CTIF: variants seen among roughly 807,000 people sequenced by gnomAD.
The protein encoded by CTIF is cap binding complex dependent translation initiation factor.
CTIF carries 21 observed loss-of-function variants against 66.0 expected under a neutral mutation model. That is an observed-to-expected ratio of 0.32 (90% CI 0.23 to 0.46). The LOEUF (loss-of-function observed/expected upper bound fraction) is 0.46, where lower values mean the gene tolerates loss of function less well. CTIF is among the 20% of genes least tolerant of loss of function. CTIF has a pLI of 1.00. For synonymous variants in CTIF, 345 were observed against 326.4 expected, an observed-to-expected ratio of 1.06 and a Z score of -0.62; for missense variants, 739 against 812.7, an observed-to-expected ratio of 0.91 and a Z score of 1.10.
chr18:48,678,200 C>G (rs562605833), intron 6 of CTIF, among the ~76,000 whole-genome samples: 7 of 152,274 alleles, frequency 4.6e-5, no homozygotes, highest in African/African-American at 1.7e-4. Flanking sequence ...AAGTGGGTAT[C>G]TCTGTTTTTC....
At chr18:48,762,293 T>C (rs1458282047) in intron 9 of CTIF, among the ~76,000 whole-genome samples, 2 of 152,236 alleles carry the variant, frequency 1.3e-5, no homozygotes, top group Non-Finnish European at 2.9e-5. Context: ...CCCCTGATCA[T>C]TGCTTCCTCC....
chr18:48,574,521 A>G (rs538808456), intron 1 of CTIF, among the ~76,000 whole-genome samples: 8 of 152,308 alleles, frequency 5.3e-5, no homozygotes, highest in African/African-American at 1.9e-4. Context: ...AGGTCAGGGC[A>G]TCTCTGTTCC....
At chr18:48,573,893 T>G (rs147488910) in intron 1 of CTIF, among the ~76,000 whole-genome samples, 2 of 152,370 alleles carry the variant, frequency 1.3e-5, no homozygotes, top group East Asian at 3.9e-4. Context: ...CGCCTCTGTA[T>G]CAGGTGCTGT....
chr18:48,764,147 G>GGAAA (rs1324330736), intron 9 of CTIF, among the ~76,000 whole-genome samples: 3 of 152,138 alleles, frequency 2.0e-5, no homozygotes, highest in African/African-American at 2.4e-5. Context: ...TACTTCAGGT[G>GGAAA]GTGCTAGGGC....
At chr18:48,775,477 CTT>C (rs1473298605) in intron 9 of CTIF, among the ~76,000 whole-genome samples, 1 of 152,316 alleles carries the variant, frequency 6.6e-6, no homozygotes, top group Non-Finnish European at 1.5e-5. Flanking sequence ...CACAGTAGGA[CTT>C]GAGGTTTGGG....
intron 5 of CTIF, 177 bp from the exon 6 acceptor site, chr18:48,670,492 C>CACA: frequency 1.8e-6 from 1 of 557,760 alleles, no homozygotes; most frequent in Non-Finnish European, 3.2e-6. Context: ...AGGACCCCCC[C>CACA]CCCACACACA....
rs183927546 is a variant in CTIF, at chr18:48,608,952, G to A, written c.-28-10586G>A. Among the ~76,000 whole-genome samples, 67 of 152,330 alleles carry A rather than the reference G, an allele frequency of 4.4e-4. 1 individual carries two copies. Among genetic ancestry groups the A allele is most frequent in the African/African-American group, 1.5e-3 (63 of 41,572 alleles). On this transcript the variant is annotated intron_variant, in intron 1 of 11. Coordinates refer to ENST00000256413, the MANE Select transcript of CTIF (RefSeq NM_014772.3). The stretch of plus-strand genomic sequence containing the variant: ...GGATGCCCTTTCTAGCCTTACCCCA[G>A]GTGCTTGTGGACACATTGCTGGGTT...
At chr18:48,751,521 A>T (rs531658860) in intron 7 of CTIF, among the ~76,000 whole-genome samples, 8 of 152,346 alleles carry the variant, frequency 5.3e-5, no homozygotes, top group African/African-American at 1.4e-4. Flanking sequence ...CACAAGGAAG[A>T]TAGAGAGAAG....
chr18:48,721,133 T>A, intron 7 of CTIF, among the ~76,000 whole-genome samples: 1 of 151,996 alleles, frequency 6.6e-6, no homozygotes, highest in Admixed American at 6.6e-5. Flanking sequence ...ATCACAATAA[T>A]CCCCTTTTCC....
chr18:48,825,192 C>G (rs926878539), intron 10 of CTIF, among the ~76,000 whole-genome samples: 2 of 152,118 alleles, frequency 1.3e-5, no homozygotes, highest in Non-Finnish European at 2.9e-5. Flanking sequence ...CCTCCTGATC[C>G]CCACCAACCT....
chr18:48,704,088 TG>T (rs2092119681), intron 6 of CTIF, among the ~76,000 whole-genome samples: 1 of 152,092 alleles, frequency 6.6e-6, no homozygotes, highest in South Asian at 2.1e-4. Flanking sequence ...TCTAGAGGCC[TG>T]GGGAGCATGG....
chr18:48,619,513 A>G, intron 1 of CTIF, 25 bp from the exon 2 acceptor site: 1 of 1,367,128 alleles, frequency 7.3e-7, no homozygotes, highest in South Asian at 1.8e-5. Flanking sequence ...CGTCTCACGG[A>G]GTTCTCTGTC....
intron 6 of CTIF, among the ~76,000 whole-genome samples, chr18:48,682,311 A>G (rs1423580280): frequency 6.6e-6 from 1 of 152,160 alleles, no homozygotes; most frequent in Non-Finnish European, 1.5e-5. Flanking sequence ...CCAAAAGCGT[A>G]TCTTATTCAC....
At chr18:48,585,325 C>T (rs1031890796) in intron 1 of CTIF, among the ~76,000 whole-genome samples, 3 of 152,238 alleles carry the variant, frequency 2.0e-5, no homozygotes, top group African/African-American at 7.2e-5. Context: ...ACAAAACATT[C>T]ACCTTTTAGA....
At chr18:48,782,286 T>G (rs1238669767) in intron 9 of CTIF, among the ~76,000 whole-genome samples, 1 of 152,020 alleles carries the variant, frequency 6.6e-6, no homozygotes, top group African/African-American at 2.4e-5. Context: ...GGAAGCCATA[T>G]GAAGCCCCTT....
intron 6 of CTIF, among the ~76,000 whole-genome samples, chr18:48,676,126 G>A (rs1487721096): frequency 1.3e-5 from 2 of 152,070 alleles, no homozygotes; most frequent in Admixed American, 6.5e-5. Flanking sequence ...ACGGTCTAAC[G>A]GGCATGTTGT....
intron 9 of CTIF, among the ~76,000 whole-genome samples, chr18:48,793,398 G>A (rs2067836650): frequency 6.6e-6 from 1 of 152,166 alleles, no homozygotes; most frequent in Non-Finnish European, 1.5e-5. Flanking sequence ...ATAGGTGCCT[G>A]GGGGCCAGCT....
chr18:48,658,922 C>T lies in CTIF; in HGVS notation c.253-4830C>T, dbSNP rs572925106. On this transcript the variant is annotated intron_variant, in intron 3 of 11. Transcript: ENST00000256413. ...TTGGGCTCCTGGTTGTCCAGTTTAG[C>T]TTGGCAGTTAATAACTCTGTTGCGT... is the stretch of plus-strand genomic sequence containing the variant. 2.3e-4 allele frequency among the ~76,000 whole-genome samples: 35 copies of T among 152,234 alleles called. 2 individuals are homozygous for T. The South Asian group carries it at 7.3e-3, about 32-fold the overall frequency.
chr18:48,737,988 G>A (rs1004300655), intron 7 of CTIF, among the ~76,000 whole-genome samples: 6 of 152,228 alleles, frequency 3.9e-5, no homozygotes, highest in South Asian at 2.1e-4. Context: ...ACATCCCACG[G>A]TGGGGTGTCT....
Sources: gnomAD v4.1 joint callset for allele counts (sites outside exome capture counted in the v4.1 genomes callset) on GRCh38, gnomAD v4.1.1 for gene constraint, MANE v1.5 for transcripts, NCBI Gene and HGNC (gene_info 2026-07-23, HGNC 2026-07-21) for gene names.